USP6NL: variants seen among roughly 807,000 people sequenced by gnomAD.
USP6NL encodes the protein USP6 N-terminal like.
USP6NL carries 26 observed loss-of-function variants against 61.9 expected under a neutral mutation model. The ratio of observed to expected loss-of-function variants is 0.42; its 90% CI spans 0.31 to 0.58. USP6NL has a LOEUF of 0.58. Ranked by LOEUF, USP6NL falls within the 20% of genes least tolerant of loss-of-function variation. USP6NL has a pLI of 0.16. For missense variants in USP6NL, 1,114 were observed against 1,034.3 expected (o/e 1.08, Z -1.06); for synonymous variants, 432 against 390.1 (o/e 1.11, Z -1.27).
At position 11,525,904 on chromosome 10, in the gene USP6NL, G is replaced by A. The variant is rs1004897685; in HGVS notation, c.73-436C>T. On this transcript the variant is annotated intron_variant, in intron 3 of 14. Transcript: ENST00000609104. This position sits in a 1 kb window ranked among gnomAD's most constrained non-coding sequence, Gnocchi z 5.0. ...AGAGAAGCAGGCAGAGAAGCTCCTCGTCTAGTTCTTTACTTCACAGCTATG... is the reference window on the plus strand; with the variant it reads ...AGAGAAGCAGGCAGAGAAGCTCCTCATCTAGTTCTTTACTTCACAGCTATG... Among the ~76,000 whole-genome samples the A allele has an allele frequency of 5.9e-5, 9 of 152,316 alleles. No individual in the cohort carries two copies. In the East Asian group the frequency reaches 9.6e-4, roughly 16 times the overall value.
At chr10:11,599,155 G>A (rs1838425638) in intron 1 of USP6NL, among the ~76,000 whole-genome samples, 1 of 152,132 alleles carries the variant, frequency 6.6e-6, no homozygotes, top group African/African-American at 2.4e-5. Context: ...TTCCTGCCTA[G>A]GAAACTCTGA....
At chr10:11,472,879 C>T (rs1363658229) in intron 14 of USP6NL, among the ~76,000 whole-genome samples, 1 of 152,136 alleles carries the variant, frequency 6.6e-6, no homozygotes, top group Non-Finnish European at 1.5e-5. Flanking sequence ...TATGTAAACA[C>T]ATCTCTCACT....
chr10:11,511,831 A>ACG lies in USP6NL; in HGVS notation c.196-2157_196-2156insCG, dbSNP rs1834730542. Among the ~76,000 whole-genome samples the ACG allele has an allele frequency of 2.8e-5, 2 of 70,502 alleles. No individual in the cohort carries two copies. Among genetic ancestry groups the ACG allele is most frequent in the African/African-American group, 9.7e-5 (2 of 20,564 alleles). The allele number at this position is 70,502 out of a possible 152,430, so 46.3% of individuals were successfully genotyped here. On this transcript the variant is annotated intron_variant, in intron 5 of 14. Coordinates refer to ENST00000609104, the MANE Select transcript of USP6NL (RefSeq NM_014688.5). The surrounding 1 kb of genome is among the most constrained non-coding windows in gnomAD (Gnocchi z 4.9). ...TAAAATAAAATAATATATATTATAC[A>ACG]CACACACACACACACACACCCCTTG... is the stretch of plus-strand genomic sequence containing the variant.
At chr10:11,590,562 A>G (rs1838130306) in intron 2 of USP6NL, among the ~76,000 whole-genome samples, 1 of 152,182 alleles carries the variant, frequency 6.6e-6, no homozygotes, top group South Asian at 2.1e-4. Flanking sequence ...ACTAAAAATC[A>G]TACACATAAT....
At chr10:11,483,564 G>C (rs1161942127) in intron 13 of USP6NL, among the ~76,000 whole-genome samples, 1 of 57,638 alleles carries the variant, frequency 1.7e-5, no homozygotes, top group African/African-American at 7.7e-5. Flanking sequence ...GGGAGGGAGA[G>C]AGGCAGGGAG....
At position 11,589,381 on chromosome 10, in the gene USP6NL, G is replaced by A. The variant is rs1423471842; in HGVS notation, c.4+8250C>T. ...CAATGCTCTTCCAACACTGGTAATA[G>A]CTGGTTCCTCCTCCCCTAATCCAGA... is the stretch of plus-strand genomic sequence containing the variant. On this transcript the variant is annotated intron_variant, in intron 2 of 14. Transcript: ENST00000609104. This position sits in a 1 kb window ranked among gnomAD's most constrained non-coding sequence, Gnocchi z 4.7. Among the ~76,000 whole-genome samples, 2 of 152,152 alleles carry A rather than the reference G, an allele frequency of 1.3e-5. No homozygotes were observed. Among genetic ancestry groups the A allele is most frequent in the East Asian group, 3.8e-4 (2 of 5,200 alleles).
At chr10:11,581,379 G>A (rs1837766419) in intron 2 of USP6NL, among the ~76,000 whole-genome samples, 1 of 152,216 alleles carries the variant, frequency 6.6e-6, no homozygotes, top group African/African-American at 2.4e-5. Context: ...ACACAGACAA[G>A]AATATTTGGA....
intron 14 of USP6NL, among the ~76,000 whole-genome samples, chr10:11,464,765 G>C (rs939880400): frequency 1.3e-5 from 2 of 152,036 alleles, no homozygotes; most frequent in Non-Finnish European, 2.9e-5. Context: ...TATACCTTTT[G>C]GTAAGAAATA....
chr10:11,518,015 A>G lies in USP6NL; in HGVS notation c.195+520T>C, dbSNP rs974146091. Among the ~76,000 whole-genome samples the G allele has an allele frequency of 6.6e-6, 1 of 152,228 alleles. No homozygotes were observed. Among genetic ancestry groups the G allele is most frequent in the Non-Finnish European group, 1.5e-5 (1 of 68,040 alleles). ...AACGAGGAAAGATTTTTAAATGTTG[A>G]CAAGTTTACTATGTAACACTTCTCT... On this transcript the variant is annotated intron_variant, in intron 5 of 14. Transcript: ENST00000609104. The surrounding 1 kb of genome is among the most constrained non-coding windows in gnomAD (Gnocchi z 5.3).
At position 11,597,355 on chromosome 10, in the gene USP6NL, G is replaced by A. The variant is rs77299530; in HGVS notation, c.4+276C>T. Among the ~76,000 whole-genome samples, 4,848 of 152,226 alleles carry A rather than the reference G, an allele frequency of 0.032. 119 individuals are homozygous for A. Among genetic ancestry groups the A allele is most frequent in the Middle Eastern group, 0.082 (24 of 294 alleles). ...ATTTCTGAAGAACCGTTTTCCAATGGCAAGTCAATAGAAAATTTTAGATCA... is the reference window on the plus strand; with the variant it reads ...ATTTCTGAAGAACCGTTTTCCAATGACAAGTCAATAGAAAATTTTAGATCA... On this transcript the variant is annotated intron_variant, in intron 2 of 14. Coordinates refer to ENST00000609104, the MANE Select transcript of USP6NL (RefSeq NM_014688.5). This position sits in a 1 kb window ranked among gnomAD's most constrained non-coding sequence, Gnocchi z 4.6.
intron 2 of USP6NL, among the ~76,000 whole-genome samples, chr10:11,568,914 T>G (rs1434149732): frequency 1.3e-5 from 2 of 152,222 alleles, no homozygotes; most frequent in East Asian, 3.8e-4. Flanking sequence ...GAAAGAGAGT[T>G]CATTTGCTGG....
intron 2 of USP6NL, among the ~76,000 whole-genome samples, chr10:11,538,450 T>C (rs1191476429): frequency 6.6e-6 from 1 of 152,196 alleles, no homozygotes; most frequent in Non-Finnish European, 1.5e-5. Context: ...AGAGGACAGT[T>C]TCTCATCCAT....
chr10:11,539,650 T>A lies in USP6NL; in HGVS notation c.5-12083A>T, dbSNP rs570358172. Among the ~76,000 whole-genome samples, 17 of 152,358 alleles carry A rather than the reference T, an allele frequency of 1.1e-4. No individual in the cohort carries two copies. In the South Asian group the frequency reaches 3.5e-3, roughly 32 times the overall value. On this transcript the variant is annotated intron_variant, in intron 2 of 14. Coordinates refer to ENST00000609104, the MANE Select transcript of USP6NL (RefSeq NM_014688.5). ...GAACCAAGACAAACATATGAGTCACTTTACTCACTTCAACCCGCCTACAGT... is the reference window on the plus strand; with the variant it reads ...GAACCAAGACAAACATATGAGTCACATTACTCACTTCAACCCGCCTACAGT...
Position 11,462,580 on chromosome 10 carries a change from T to C in USP6NL, c.2348A>G (p.Asp783Gly). The C allele has an allele frequency of 1.2e-6, 2 of 1,614,002 alleles. No individual in the cohort carries two copies. Among genetic ancestry groups the C allele is most frequent in the South Asian group, 1.1e-5 (1 of 91,082 alleles). ...TGAAGCTTTATATCTCACGGGACTA[T>C]CTACAGAAACTGCAGGGAGGCCATG... ...QDHGLPAVSVDSPVRYKASPA... is the reference protein window; with the variant it reads ...QDHGLPAVSVGSPVRYKASPA... Residue 783 changes from aspartate (D) to glycine (G), a missense_variant, in exon 15 of 15, where the codon GAT (aspartate) becomes GGT (glycine). By Grantham distance (94) the Asp-to-Gly change is moderately conservative. Transcript: ENST00000609104.
intron 2 of USP6NL, among the ~76,000 whole-genome samples, chr10:11,558,183 T>C (rs1298907597): frequency 6.6e-6 from 1 of 152,154 alleles, no homozygotes; most frequent in Non-Finnish European, 1.5e-5. Context: ...CAAACAACTT[T>C]GGAGCCCTGG....
In USP6NL at chr10:11,606,939, G is replaced by A. The variant is rs140323172; in HGVS notation, c.-84+4504C>T. ...CGAGTAGCTGGGACCACAAGCGTAC[G>A]CCACCATGCCCCACTAATTTTTGTA... is the stretch of plus-strand genomic sequence containing the variant. On this transcript the variant is annotated intron_variant, in intron 1 of 14. Coordinates refer to ENST00000609104, the MANE Select transcript of USP6NL (RefSeq NM_014688.5). Among the ~76,000 whole-genome samples, 891 of 152,014 alleles carry A rather than the reference G, an allele frequency of 5.9e-3. 5 individuals carry two copies. Among genetic ancestry groups the A allele is most frequent in the Non-Finnish European group, 9.7e-3 (662 of 67,966 alleles).
At chr10:11,579,288 CT>C (rs1165049113) in intron 2 of USP6NL, among the ~76,000 whole-genome samples, 1 of 152,196 alleles carries the variant, frequency 6.6e-6, no homozygotes, top group Non-Finnish European at 1.5e-5. Flanking sequence ...ATGGAAAAAT[CT>C]TTCAAACCAC....
intron 2 of USP6NL, among the ~76,000 whole-genome samples, chr10:11,555,341 G>A (rs1427445856): frequency 6.8e-6 from 1 of 146,568 alleles, no homozygotes; most frequent in African/African-American, 2.5e-5. Context: ...ACTGAACACG[G>A]GAAGTGGACG....
chr10:11,475,683 G>A (rs976973392), intron 14 of USP6NL, among the ~76,000 whole-genome samples: 1 of 151,576 alleles, frequency 6.6e-6, no homozygotes, highest in Non-Finnish European at 1.5e-5. Context: ...TTTGATATAG[G>A]CAAGGATTAT....
Sources: gnomAD v4.1 joint callset for allele counts (sites outside exome capture counted in the v4.1 genomes callset) on GRCh38, gnomAD v4.1.1 for gene constraint, Gnocchi (gnomAD v3.1) non-coding constraint, MANE v1.5 for transcripts, NCBI Gene and HGNC (gene_info 2026-07-23, HGNC 2026-07-21) for gene names.